Variants in FMN1 observed in about 807,000 individuals in gnomAD.
FMN1 encodes the protein formin 1.
FMN1 carries 110 observed loss-of-function variants against 132.4 expected under a neutral mutation model. The observed-to-expected ratio is 0.83, with a 90% confidence interval of 0.71 to 0.97. The LOEUF is 0.97. Ranked by LOEUF, FMN1 falls within the 50% of genes least tolerant of loss-of-function variation. The probability of loss-of-function intolerance (pLI) is 0.00; values close to 1 mark genes in which losing one functional copy is unlikely to be tolerated. For synonymous variants in FMN1, 722 were observed against 651.7 expected (o/e 1.11, Z -1.64); for missense variants, 1,792 against 1,705.3 (o/e 1.05, Z -0.90).
At chr15:33,141,944 A>C (rs1318539342) in intron 4 of FMN1, among the ~76,000 whole-genome samples, 1 of 152,150 alleles carries the variant, frequency 6.6e-6, no homozygotes, top group Non-Finnish European at 1.5e-5. Flanking sequence ...TGGGTGGCGC[A>C]CACAGCATAC....
intron 9 of FMN1, among the ~76,000 whole-genome samples, chr15:32,932,499 T>A (rs2061147095): frequency 6.6e-6 from 1 of 152,218 alleles, no homozygotes. Flanking sequence ...GGTATCAGAG[T>A]AATGCTGTTC....
Position 32,898,882 on chromosome 15 carries a change from A to C in FMN1, c.3666T>G (p.Ile1222Met). 1 of 1,592,972 alleles carries C rather than the reference A, an allele frequency of 6.3e-7. No individual in the cohort carries two copies. The highest frequency in any genetic ancestry group is 8.6e-7 in the Non-Finnish European group (1 of 1,162,804). Residue 1222 changes from isoleucine to methionine, a missense_variant, in exon 15 of 21, where the codon ATT becomes ATG. By Grantham distance (10) the Ile-to-Met change is conservative. Transcript: ENST00000616417. Reference protein sequence around the residue: ...LKDVKSRDNGINLVDYVVKYY... With the variant: ...LKDVKSRDNGMNLVDYVVKYY... The stretch of plus-strand genomic sequence containing the variant: ...ACTTAACAACGTAGTCCACCAGATT[A>C]ATCCCATTATCCTAGGTTTAAAAGA...
intron 10 of FMN1, among the ~76,000 whole-genome samples, chr15:32,923,270 A>G (rs1330621457): frequency 6.6e-6 from 1 of 152,314 alleles, no homozygotes; most frequent in South Asian, 2.1e-4. Flanking sequence ...TTAGGCCAAC[A>G]TCAGCACAGG....
chr15:32,957,515 G>A (rs536626561), intron 9 of FMN1, among the ~76,000 whole-genome samples: 21 of 151,990 alleles, frequency 1.4e-4, no homozygotes, highest in South Asian at 4.2e-4. Flanking sequence ...CTAGATGTCC[G>A]AATGTATCAC....
Position 33,151,443 on chromosome 15 carries a change from T to TC in FMN1, c.1867+1604dup, listed in dbSNP as rs1438596463. ...GAGAGGCCAAAGGAACATGTGATCATCCATTCACCTTGTCACTCAGTGGGC... is the reference window on the plus strand; with the variant it reads ...GAGAGGCCAAAGGAACATGTGATCATCCCATTCACCTTGTCACTCAGTGGGC... On this transcript the variant is annotated intron_variant, in intron 4 of 20. Transcript: ENST00000616417. 343 of 1,499,868 alleles carry TC rather than the reference T, an allele frequency of 2.3e-4. 3 individuals are homozygous for TC. The African/African-American group carries it at 4.1e-3, about 18-fold the overall frequency. The allele number at this position is 1,499,868 out of a possible 1,614,324, so 92.9% of individuals were successfully genotyped here.
intron 3 of FMN1, among the ~76,000 whole-genome samples, chr15:33,164,460 A>G (rs959385831): frequency 1.3e-5 from 2 of 152,308 alleles, no homozygotes; most frequent in South Asian, 2.1e-4. Flanking sequence ...AGGGAAAAAA[A>G]GGGCTCCTTT....
intron 5 of FMN1, among the ~76,000 whole-genome samples, chr15:33,085,259 T>C (rs1297166422): frequency 6.6e-6 from 1 of 152,140 alleles, no homozygotes; most frequent in Non-Finnish European, 1.5e-5. Flanking sequence ...ACACATTTGT[T>C]CTAAATAAGT....
intron 7 of FMN1, among the ~76,000 whole-genome samples, chr15:32,982,388 A>C (rs563324245): frequency 2.0e-5 from 3 of 152,244 alleles, no homozygotes; most frequent in African/African-American, 7.2e-5. Flanking sequence ...CACACTTTCC[A>C]TATCAACTAT....
chr15:33,151,375 G>C (rs1367625348), intron 4 of FMN1: 1 of 1,536,618 alleles, frequency 6.5e-7, no homozygotes, highest in South Asian at 1.2e-5. Context: ...GATCCCAATG[G>C]AAGGCTGAGG....
intron 9 of FMN1, among the ~76,000 whole-genome samples, chr15:32,935,704 T>A (rs138842829): frequency 6.6e-6 from 1 of 152,152 alleles, no homozygotes; most frequent in African/African-American, 2.4e-5. Context: ...CTTGGCTCAC[T>A]GTAACCTCTG....
intron 6 of FMN1, among the ~76,000 whole-genome samples, chr15:33,032,188 G>C (rs938595259): frequency 6.6e-6 from 1 of 152,212 alleles, no homozygotes; most frequent in Non-Finnish European, 1.5e-5. Flanking sequence ...AGTTAGGAAA[G>C]AGAAAAGCAG....
intron 18 of FMN1, among the ~76,000 whole-genome samples, chr15:32,799,953 C>CA (rs2057421114): frequency 6.6e-6 from 1 of 152,160 alleles, no homozygotes; most frequent in South Asian, 2.1e-4. Flanking sequence ...AATGCTCTAT[C>CA]ATCTGTTCAG....
intron 7 of FMN1, among the ~76,000 whole-genome samples, chr15:33,003,365 A>C (rs937712457): frequency 6.6e-6 from 1 of 152,226 alleles, no homozygotes; most frequent in Non-Finnish European, 1.5e-5. Context: ...CAGGATACAA[A>C]ATCAATGTGC....
At chr15:33,044,943 G>A (rs978820821) in intron 6 of FMN1, among the ~76,000 whole-genome samples, 2 of 152,208 alleles carry the variant, frequency 1.3e-5, no homozygotes, top group African/African-American at 2.4e-5. Context: ...GGCTGAAAGA[G>A]CTGTAACACA....
At chr15:32,963,403 C>A (rs542643574) in intron 9 of FMN1, among the ~76,000 whole-genome samples, 7 of 151,326 alleles carry the variant, frequency 4.6e-5, no homozygotes, top group African/African-American at 1.7e-4. Flanking sequence ...CTAGATGACG[C>A]GTTAGTGGGT....
intron 10 of FMN1, among the ~76,000 whole-genome samples, chr15:32,918,337 T>C (rs887421994): frequency 6.6e-6 from 1 of 151,798 alleles, no homozygotes; most frequent in Non-Finnish European, 1.5e-5. Flanking sequence ...TATAGTATAG[T>C]TTATAATCTT....
chr15:32,958,470 T>C (rs936188798), intron 9 of FMN1, among the ~76,000 whole-genome samples: 27 of 152,076 alleles, frequency 1.8e-4, no homozygotes, highest in Non-Finnish European at 3.7e-4. Flanking sequence ...ATGAGAGAAA[T>C]AAGATGATGG....
rs372699660 is a variant in FMN1, at chr15:32,857,142, A to T, written c.3836-35T>A. ...GAAATTTAGAATTAGACTTAGGAAC[A>T]CAGATTTGCTGAGCTCCTGCTATGG... On this transcript the variant is annotated intron_variant, in intron 16 of 20. Transcript: ENST00000616417. 1.5e-5 allele frequency: 23 copies of T among 1,529,310 alleles called. No individual in the cohort carries two copies. In the African/African-American group the frequency reaches 2.7e-4, roughly 18 times the overall value. The allele number at this position is 1,529,310 out of a possible 1,614,324, so 94.7% of individuals were successfully genotyped here.
Position 33,027,322 on chromosome 15 carries a change from A to C in FMN1, c.2162-19247T>G, listed in dbSNP as rs1333483270. The stretch of plus-strand genomic sequence containing the variant: ...AGTTAAATGTAAACTTCAGAATAAT[A>C]ACAGATAATTTTTTAGTATAAGTGT... On this transcript the variant is annotated intron_variant, in intron 6 of 20. Transcript: ENST00000616417. Among the ~76,000 whole-genome samples the C allele has an allele frequency of 2.0e-5, 3 of 152,184 alleles. No homozygotes were observed. The East Asian group carries it at 5.8e-4, about 29-fold the overall frequency.
Sources: gnomAD v4.1 joint callset for allele counts (sites outside exome capture counted in the v4.1 genomes callset) on GRCh38, gnomAD v4.1.1 for gene constraint, MANE v1.5 for transcripts, NCBI Gene and HGNC (gene_info 2026-07-23, HGNC 2026-07-21) for gene names.